LEKR1: variants seen among roughly 807,000 people sequenced by gnomAD.
LEKR1 encodes the protein protein LEKR1.
Under a neutral mutation model 72.4 loss-of-function variants are expected in LEKR1, and 59 were observed. The observed-to-expected ratio is 0.82, with a 90% CI of 0.66 to 1.01. The LOEUF is 1.01. Ranked by LOEUF, LEKR1 falls within the 50% of genes least tolerant of loss-of-function variation. LEKR1 has a pLI of 0.00. For synonymous variants in LEKR1, 257 were observed against 263.2 expected, an observed-to-expected ratio of 0.98 and a Z score of 0.23; for missense variants, 728 against 759.2, an observed-to-expected ratio of 0.96 and a Z score of 0.48.
chr3:156,855,401 C>G (rs186306950), intron 3 of LEKR1, among the ~76,000 whole-genome samples: 12 of 152,198 alleles, frequency 7.9e-5, no homozygotes, highest in Admixed American at 7.8e-4. Flanking sequence ...TGAAGCTGAA[C>G]ATTTGTTTGT....
rs115042293 is a variant in LEKR1, at chr3:156,864,107, C to T, written c.263+11125C>T. Among the ~76,000 whole-genome samples, 1,241 of 152,150 alleles carry T rather than the reference C, an allele frequency of 8.2e-3. 12 individuals carry two copies. Among genetic ancestry groups the T allele is most frequent in the Middle Eastern group, 0.041 (12 of 294 alleles). On this transcript the variant is annotated intron_variant, in intron 3 of 12. Coordinates refer to ENST00000356539, the MANE Select transcript of LEKR1 (RefSeq NM_001004316.3). Reference sequence around the variant, plus strand: ...CATTTGAAGTCACTAATTTAGACATCCCATTCTTTGTGTACTTCTCATTGT... The same window carrying T: ...CATTTGAAGTCACTAATTTAGACATTCCATTCTTTGTGTACTTCTCATTGT...
intron 12 of LEKR1, among the ~76,000 whole-genome samples, chr3:157,030,882 T>C (rs925168002): frequency 1.2e-4 from 19 of 152,164 alleles, no homozygotes; most frequent in African/African-American, 4.3e-4. Context: ...AACAGCTCAG[T>C]GTGTCAGCTG....
At chr3:156,945,756 C>T (rs532691943) in intron 6 of LEKR1, among the ~76,000 whole-genome samples, 11 of 151,608 alleles carry the variant, frequency 7.3e-5, no homozygotes, top group Middle Eastern at 6.8e-3. Flanking sequence ...AATTAGTTCA[C>T]TGTAGATGCA....
intron 6 of LEKR1, among the ~76,000 whole-genome samples, chr3:156,969,482 T>C (rs867131548): frequency 6.6e-6 from 1 of 152,144 alleles, no homozygotes; most frequent in Middle Eastern, 3.2e-3. Flanking sequence ...CATCAGAGAA[T>C]ACTATAAACA....
chr3:157,027,368 G>T (rs906949676), intron 11 of LEKR1, among the ~76,000 whole-genome samples: 1 of 150,350 alleles, frequency 6.7e-6, no homozygotes, highest in Non-Finnish European at 1.5e-5. Flanking sequence ...ATACAAAAAA[G>T]AAAAAAAAAT....
At chr3:156,955,360 C>T (rs530340177) in intron 6 of LEKR1, among the ~76,000 whole-genome samples, 11 of 151,914 alleles carry the variant, frequency 7.2e-5, no homozygotes, top group South Asian at 2.1e-4. Flanking sequence ...CTGATTGCTC[C>T]GGCCAGAACT....
At chr3:157,032,679 A>G (rs1181238060) in intron 12 of LEKR1, among the ~76,000 whole-genome samples, 1 of 152,180 alleles carries the variant, frequency 6.6e-6, no homozygotes, top group Admixed American at 6.6e-5. Context: ...AGGATTGGGG[A>G]TGGGAGGATT....
intron 6 of LEKR1, among the ~76,000 whole-genome samples, chr3:156,954,054 C>T (rs1727405004): frequency 2.6e-5 from 4 of 151,964 alleles, no homozygotes; most frequent in Admixed American, 2.6e-4. Context: ...TAATAATCAC[C>T]ATTCTGACTG....
rs778346144 is a variant in LEKR1, at chr3:156,920,565, A to G, written c.264-10A>G. On this transcript the variant is annotated splice_polypyrimidine_tract_variant and intron_variant, in intron 3 of 12. Transcript: ENST00000356539. ...GAGAATACTTAAGGAATGTTTGTTT[A>G]TATTTTTAGAATTTACGATGTAGGC... 9 of 1,439,820 alleles carry G rather than the reference A, an allele frequency of 6.3e-6. No individual in the cohort carries two copies. The highest frequency in any genetic ancestry group is 1.3e-5 in the South Asian group (1 of 76,490). 89.2% of individuals were successfully genotyped at this position (1,439,820 alleles called of 1,614,324 possible). A position where few individuals can be genotyped will look rare whatever the true frequency, so the allele number is the denominator to read the frequency against.
chr3:156,929,270 C>A (rs1338991711), intron 5 of LEKR1, among the ~76,000 whole-genome samples: 1 of 151,894 alleles, frequency 6.6e-6, no homozygotes, highest in Non-Finnish European at 1.5e-5. Flanking sequence ...GAATGTTCAA[C>A]AGCCTATCCA....
intron 7 of LEKR1, among the ~76,000 whole-genome samples, chr3:156,983,534 C>A (rs1730411766): frequency 6.6e-6 from 1 of 152,072 alleles, no homozygotes; most frequent in African/African-American, 2.4e-5. Flanking sequence ...TTAATGCACT[C>A]CCCACATGAT....
chr3:156,862,663 A>T (rs1407051191), intron 3 of LEKR1, among the ~76,000 whole-genome samples: 2 of 152,060 alleles, frequency 1.3e-5, no homozygotes, highest in African/African-American at 4.8e-5. Flanking sequence ...TGTCACTTTC[A>T]TACCTAACTT....
At chr3:156,997,046 C>T (rs933367322) in intron 9 of LEKR1, among the ~76,000 whole-genome samples, 1 of 143,252 alleles carries the variant, frequency 7.0e-6, no homozygotes, top group African/African-American at 2.6e-5. Flanking sequence ...GCCTGGGCAA[C>T]AAGAGCAAAA....
At chr3:156,829,107 C>T (rs758973714) in intron 1 of LEKR1, among the ~76,000 whole-genome samples, 179 bp from the exon 2 acceptor site, 22 of 152,156 alleles carry the variant, frequency 1.4e-4, no homozygotes, top group Non-Finnish European at 3.2e-4. Flanking sequence ...GTTCTATTGG[C>T]CCAATAACTA....
chr3:156,873,244 A>G (rs1179660779), intron 3 of LEKR1, among the ~76,000 whole-genome samples: 1 of 151,632 alleles, frequency 6.6e-6, no homozygotes, highest in East Asian at 1.9e-4. Context: ...ACTCCTGTTC[A>G]CTTTTGGTTT....
At chr3:156,929,561 C>T (rs982581539) in intron 5 of LEKR1, among the ~76,000 whole-genome samples, 2 of 151,972 alleles carry the variant, frequency 1.3e-5, no homozygotes, top group East Asian at 1.9e-4. Flanking sequence ...AATGGGATGC[C>T]GCAAATGAAC....
At chr3:156,983,530 C>T (rs1470425181) in intron 7 of LEKR1, among the ~76,000 whole-genome samples, 8 of 152,198 alleles carry the variant, frequency 5.3e-5, no homozygotes, top group Admixed American at 3.9e-4. Flanking sequence ...ATTTTTAATG[C>T]ACTCCCCACA....
intron 10 of LEKR1, among the ~76,000 whole-genome samples, chr3:157,014,678 A>C (rs1435545830): frequency 6.6e-6 from 1 of 152,188 alleles, no homozygotes; most frequent in Non-Finnish European, 1.5e-5. Context: ...TTAAAAATGC[A>C]GTTTTAGAAA....
chr3:157,021,961 G>T (rs747045751), intron 10 of LEKR1, among the ~76,000 whole-genome samples: 10 of 151,792 alleles, frequency 6.6e-5, no homozygotes, highest in Non-Finnish European at 1.3e-4. Context: ...TATTACATTT[G>T]GTTTCTCCTT....
Sources: allele counts gnomAD v4.1 joint callset (sites outside exome capture counted in the v4.1 genomes callset), GRCh38; gene constraint gnomAD v4.1.1; transcripts MANE v1.5; gene names NCBI Gene and HGNC (gene_info 2026-07-23, HGNC 2026-07-21).